VWF: variants seen among roughly 807,000 people sequenced by gnomAD.
VWF encodes Factor VIII related antigen.
VWF carries 176 observed loss-of-function variants against 308.6 expected under a neutral mutation model. That is an observed-to-expected ratio of 0.57 (90% CI 0.50 to 0.65). The LOEUF (loss-of-function observed/expected upper bound fraction) is 0.65. VWF is among the 30% of genes least tolerant of loss of function. VWF has a pLI of 0.00. For synonymous variants in VWF, 1,385 were observed against 1,443.4 expected, an observed-to-expected ratio of 0.96 and a Z score of 0.92; for missense variants, 3,146 against 3,648.2, an observed-to-expected ratio of 0.86 and a Z score of 3.55.
chr12:5,969,552 G>T (rs1442656892), intron 44 of VWF, among the ~76,000 whole-genome samples, 161 bp from the exon 45 acceptor site: 1 of 152,204 alleles, frequency 6.6e-6, no homozygotes, highest in Non-Finnish European at 1.5e-5. Context: ...GGATGAGTGG[G>T]GCTCGTCTCA....
At chr12:6,108,220 G>T (rs1380569159) in intron 5 of VWF, among the ~76,000 whole-genome samples, 1 of 151,300 alleles carries the variant, frequency 6.6e-6, no homozygotes, top group African/African-American at 2.4e-5. Flanking sequence ...CTTGAATCTG[G>T]GAGGTGGAGG....
intron 18 of VWF, among the ~76,000 whole-genome samples, chr12:6,036,939 C>T (rs1346973092): frequency 1.3e-5 from 2 of 150,334 alleles, no homozygotes; most frequent in African/African-American, 4.9e-5. Context: ...TTTATCATTG[C>T]AAAAAAAAAT....
intron 47 of VWF, among the ~76,000 whole-genome samples, chr12:5,961,166 G>A (rs1943310404): frequency 6.6e-6 from 1 of 152,014 alleles, no homozygotes; most frequent in African/African-American, 2.4e-5. Context: ...ACAAGCTCAG[G>A]GCTCCCACTG....
At chr12:6,086,071 G>A (rs920472762) in intron 6 of VWF, among the ~76,000 whole-genome samples, 1 of 152,122 alleles carries the variant, frequency 6.6e-6, no homozygotes, top group Non-Finnish European at 1.5e-5. Context: ...AGGTGAGCCA[G>A]TCTGCTGTAA....
intron 18 of VWF, among the ~76,000 whole-genome samples, chr12:6,036,999 C>A (rs767624192): frequency 6.6e-6 from 1 of 152,074 alleles, no homozygotes; most frequent in Non-Finnish European, 1.5e-5. Context: ...AATCACCAGG[C>A]GCCAGTATCC....
intron 27 of VWF, chr12:6,021,368 T>C (rs1163790449): frequency 6.2e-6 from 1 of 160,242 alleles, no homozygotes; most frequent in African/African-American, 2.4e-5. Context: ...CAAAGGCCAG[T>C]TTCCCAGAGG....
At chr12:6,085,898 T>G (rs1490733027) in intron 6 of VWF, among the ~76,000 whole-genome samples, 1 of 151,958 alleles carries the variant, frequency 6.6e-6, no homozygotes, top group African/African-American at 2.4e-5. Context: ...AAAGTAAAAT[T>G]TTAAAAAAAA....
chr12:6,069,834 A>C (rs1824507205), intron 10 of VWF, among the ~76,000 whole-genome samples: 1 of 152,210 alleles, frequency 6.6e-6, no homozygotes, highest in South Asian at 2.1e-4. Context: ...AGACCAGAGG[A>C]CTGTATTGTC....
Position 5,991,924 on chromosome 12 carries a change from G to T in VWF, c.6693C>A (p.Pro2231=). The change falls in exon 38 of 52, where the codon CCC becomes CCA. Residue 2231 remains proline (P), a synonymous_variant. Coordinates refer to ENST00000261405, the MANE Select transcript of VWF (RefSeq NM_000552.5). ...CTGGAGGGCAGAAACAGCCTTCGGAGGGATGGTCCCCACAGGAGCTCACGT... is the reference window on the plus strand; with the variant it reads ...CTGGAGGGCAGAAACAGCCTTCGGATGGATGGTCCCCACAGGAGCTCACGT... ...DGNVSSCGDH[P]SEGCFCPPDK... The T allele has an allele frequency of 2.5e-6, 4 of 1,614,224 alleles. No homozygotes were observed. Among genetic ancestry groups the T allele is most frequent in the Non-Finnish European group, 3.4e-6 (4 of 1,180,050 alleles).
At chr12:6,061,445 T>G (rs1591893021) in intron 13 of VWF, among the ~76,000 whole-genome samples, 2 of 146,306 alleles carry the variant, frequency 1.4e-5, no homozygotes, top group African/African-American at 2.5e-5. Flanking sequence ...TTATGGTCTG[T>G]GGTTGCAGGT....
rs187396530 is a variant in VWF at position 5,969,901 on chromosome 12, A to G, written c.7549-510T>C. 5.9e-5 allele frequency among the ~76,000 whole-genome samples: 9 copies of G among 152,268 alleles called. No individual in the cohort carries two copies. In the East Asian group the frequency reaches 1.7e-3, roughly 30 times the overall value. ...CCAAGGGTTGTCACCACGGGCAAGA[A>G]GCTGAAAGGGCCCAAGACCATGGTT... is the stretch of plus-strand genomic sequence containing the variant. On this transcript the variant is annotated intron_variant, in intron 44 of 51. Coordinates refer to ENST00000261405, the MANE Select transcript of VWF (RefSeq NM_000552.5).
At chr12:5,985,693 G>C in intron 38 of VWF, 28 bp from the exon 39 acceptor site, 1 of 1,600,354 alleles carries the variant, frequency 6.2e-7, no homozygotes, top group Non-Finnish European at 8.6e-7. Flanking sequence ...TTCAGAAAGG[G>C]CACAGGACAT....
At chr12:5,973,459 G>C (rs928815534) in intron 43 of VWF, among the ~76,000 whole-genome samples, 1 of 152,236 alleles carries the variant, frequency 6.6e-6, no homozygotes, top group Admixed American at 6.5e-5. Context: ...GGAGGTGGTA[G>C]ATGCCAAGCT....
chr12:6,080,187 C>T (rs1023774711), intron 6 of VWF, among the ~76,000 whole-genome samples: 8 of 152,198 alleles, frequency 5.3e-5, no homozygotes, highest in African/African-American at 1.2e-4. Context: ...TTTCTGTGGC[C>T]GTCTCCTCCA....
rs148473660 is a variant in VWF, at chr12:6,121,696, C to T, written c.56-358G>A. Among the ~76,000 whole-genome samples, 529 of 152,248 alleles carry T rather than the reference C, an allele frequency of 3.5e-3. 3 individuals carry two copies. Among genetic ancestry groups the T allele is most frequent in the African/African-American group, 0.012 (490 of 41,546 alleles). On this transcript the variant is annotated intron_variant, in intron 2 of 51. Coordinates refer to ENST00000261405, the MANE Select transcript of VWF (RefSeq NM_000552.5). Reference sequence around the variant, plus strand: ...CTATAATCCCAGCACTTTGGGAGGCCGAGGTGGGCAGATCACCTGAGGTCA... The same window carrying T: ...CTATAATCCCAGCACTTTGGGAGGCTGAGGTGGGCAGATCACCTGAGGTCA...
In VWF at chr12:6,024,537, C is replaced by T. The variant is rs1183738034; in HGVS notation, c.3223-750G>A. On this transcript the variant is annotated intron_variant, in intron 24 of 51. Coordinates refer to ENST00000261405, the MANE Select transcript of VWF (RefSeq NM_000552.5). The surrounding 1 kb of genome is among the most constrained non-coding windows in gnomAD (Gnocchi z 4.0). ...AGTATCCTTTGGAGTCCTCAGAGAC[C>T]GAAAATCACTGCATAGATAGAAAGA... 6.6e-6 allele frequency among the ~76,000 whole-genome samples: 1 copy of T among 152,158 alleles called. No homozygotes were observed. Among genetic ancestry groups the T allele is most frequent in the African/African-American group, 2.4e-5 (1 of 41,430 alleles).
chr12:6,028,349 G>A (rs535994596), intron 22 of VWF, among the ~76,000 whole-genome samples: 15 of 152,224 alleles, frequency 9.9e-5, no homozygotes, highest in Non-Finnish European at 1.3e-4. Flanking sequence ...GTTTGCTGCT[G>A]TAGGTTAAGA....
chr12:5,949,687 C>T (rs1019651723), intron 51 of VWF, 99 bp downstream of exon 51: 15 of 1,266,618 alleles, frequency 1.2e-5, no homozygotes, highest in South Asian at 3.6e-5. Flanking sequence ...CTCTTCCCTG[C>T]GAATTTTCCA....
chr12:5,985,207 C>G (rs1444591871), intron 39 of VWF, 88 bp from the exon 40 acceptor site: 7 of 1,364,994 alleles, frequency 5.1e-6, no homozygotes, highest in African/African-American at 1.4e-5. Flanking sequence ...TCACTGAAAA[C>G]TAGTAGGAGT....
Sources: allele counts gnomAD v4.1 joint callset (sites outside exome capture counted in the v4.1 genomes callset), GRCh38; gene constraint gnomAD v4.1.1; non-coding constraint Gnocchi (gnomAD v3.1); transcripts MANE v1.5; gene names NCBI Gene and HGNC (gene_info 2026-07-23, HGNC 2026-07-21).